Variants in ACOXL observed in about 807,000 individuals in gnomAD.
The protein encoded by ACOXL is acyl-coenzyme A oxidase-like protein.
ACOXL carries 70 observed loss-of-function variants against 71.9 expected under a neutral mutation model. The ratio of observed to expected loss-of-function variants is 0.97; its 90% CI spans 0.80 to 1.19. ACOXL has a LOEUF of 1.19. ACOXL is among the 50% of genes most tolerant of loss of function. The pLI, the probability that ACOXL is intolerant of heterozygous loss-of-function variation, is 0.00. For synonymous variants in ACOXL, 253 were observed against 281.6 expected (o/e 0.90, Z 1.02); for missense variants, 703 against 736.3 (o/e 0.95, Z 0.52).
intron 12 of ACOXL, among the ~76,000 whole-genome samples, chr2:110,958,898 C>T (rs769327973): frequency 2.6e-5 from 4 of 152,214 alleles, no homozygotes; most frequent in Non-Finnish European, 5.9e-5. Context: ...TGGTATGTCT[C>T]CCTGTAGAGC....
chr2:111,034,448 T>C (rs188805141), intron 15 of ACOXL, among the ~76,000 whole-genome samples: 1 of 152,318 alleles, frequency 6.6e-6, no homozygotes, highest in East Asian at 1.9e-4. Context: ...GATTTGATGA[T>C]GGCACAGTAC....
intron 10 of ACOXL, among the ~76,000 whole-genome samples, chr2:110,864,155 G>A (rs1694280918): frequency 6.6e-6 from 1 of 152,270 alleles, no homozygotes; most frequent in East Asian, 1.9e-4. Context: ...AGACCCAAGT[G>A]CCCTTTCTGA....
chr2:110,868,806 GT>G (rs1694928054), intron 10 of ACOXL, among the ~76,000 whole-genome samples: 1 of 152,180 alleles, frequency 6.6e-6, no homozygotes, highest in African/African-American at 2.4e-5. Flanking sequence ...GCCCAGGCTG[GT>G]CATGAATTCC....
intron 15 of ACOXL, among the ~76,000 whole-genome samples, chr2:111,042,651 T>G (rs1025828424): frequency 6.6e-6 from 1 of 152,098 alleles, no homozygotes; most frequent in African/African-American, 2.4e-5. Context: ...CCTGGAAAAG[T>G]GGGCCAGGGT....
At chr2:111,093,066 A>G (rs2068619573) in intron 17 of ACOXL, 100 bp downstream of exon 17, 1 of 864,796 alleles carries the variant, frequency 1.2e-6, no homozygotes, top group South Asian at 1.7e-5. Context: ...GTTTCCACTC[A>G]TGGATTTTTA....
chr2:110,937,807 G>A (rs1456130319), intron 12 of ACOXL, among the ~76,000 whole-genome samples: 3 of 152,082 alleles, frequency 2.0e-5, no homozygotes, highest in Non-Finnish European at 4.4e-5. Context: ...CATGATTTTG[G>A]GCCAGTTATT....
intron 1 of ACOXL, among the ~76,000 whole-genome samples, chr2:110,738,694 T>A (rs186890346): frequency 6.6e-6 from 1 of 152,240 alleles, no homozygotes; most frequent in African/African-American, 2.4e-5. Flanking sequence ...GTTCTTTTAG[T>A]GCATTGGGCA....
chr2:110,768,511 TGTGAGA>T, intron 2 of ACOXL, 47 bp downstream of exon 2: 20 of 1,402,564 alleles, frequency 1.4e-5, no homozygotes, highest in African/African-American at 4.7e-5. Flanking sequence ...TGTGTGTGTG[TGTGAGA>T]GAGAGAGAGA....
chr2:111,021,345 T>C (rs2064750472), intron 14 of ACOXL, among the ~76,000 whole-genome samples: 1 of 152,232 alleles, frequency 6.6e-6, no homozygotes, highest in African/African-American at 2.4e-5. Context: ...CTGGGAACTG[T>C]GGACATCAGG....
intron 17 of ACOXL, among the ~76,000 whole-genome samples, chr2:111,094,537 A>C (rs1188545711): frequency 1.3e-5 from 2 of 152,178 alleles, no homozygotes; most frequent in Non-Finnish European, 2.9e-5. Context: ...AAAGCGAGAG[A>C]GAAGGAAGGG....
chr2:111,110,433 C>A (rs11681263), intron 17 of ACOXL, among the ~76,000 whole-genome samples: 32,087 of 152,176 alleles, frequency 0.21, 3,550 homozygotes, highest in Non-Finnish European at 0.24. Context: ...CACAAGGATA[C>A]ATGGGACCAT....
chr2:110,786,223 A>G (rs914155464), intron 3 of ACOXL, among the ~76,000 whole-genome samples: 1 of 152,246 alleles, frequency 6.6e-6, no homozygotes, highest in Non-Finnish European at 1.5e-5. Context: ...GAACATGAAG[A>G]CAGAATGATC....
At chr2:110,886,914 TA>T (rs66815319) in intron 10 of ACOXL, 539,672 of 1,539,220 alleles carry the variant, frequency 0.35, 96,371 homozygotes, top group Middle Eastern at 0.4. Context: ...ATCAGCCACT[TA>T]ACTGTTCTGG....
At chr2:110,996,145 A>T in intron 14 of ACOXL, 141 bp downstream of exon 14, 1 of 650,422 alleles carries the variant, frequency 1.5e-6, no homozygotes, top group Non-Finnish European at 2.7e-6. Context: ...CCTACGGGCC[A>T]TTTTGCATGA....
intron 10 of ACOXL, among the ~76,000 whole-genome samples, chr2:110,880,197 A>G (rs1696472990): frequency 1.3e-5 from 2 of 151,804 alleles, no homozygotes; most frequent in Non-Finnish European, 2.9e-5. Context: ...GGAAAAAAGA[A>G]TGGATGTTGT....
intron 14 of ACOXL, among the ~76,000 whole-genome samples, chr2:111,012,073 G>T (rs2064194940): frequency 6.6e-6 from 1 of 152,110 alleles, no homozygotes. Flanking sequence ...AGTAATTGAT[G>T]AAATAAGTAG....
intron 16 of ACOXL, among the ~76,000 whole-genome samples, chr2:111,073,579 G>A (rs912406921): frequency 1.3e-5 from 2 of 152,066 alleles, no homozygotes; most frequent in Non-Finnish European, 2.9e-5. Flanking sequence ...ACATATTTGT[G>A]TAGAATTATT....
At chr2:110,830,418 C>A (rs1689679082) in intron 9 of ACOXL, among the ~76,000 whole-genome samples, 1 of 152,102 alleles carries the variant, frequency 6.6e-6, no homozygotes, top group Non-Finnish European at 1.5e-5. Context: ...TCTCTTTCCA[C>A]AATAAATCTA....
intron 2 of ACOXL, among the ~76,000 whole-genome samples, chr2:110,776,094 G>C (rs1244152395): frequency 6.6e-6 from 1 of 152,208 alleles, no homozygotes; most frequent in African/African-American, 2.4e-5. Flanking sequence ...AGCCTTAAAA[G>C]GGAAGGGAAT....
Sources: allele counts gnomAD v4.1 joint callset (sites outside exome capture counted in the v4.1 genomes callset), GRCh38; gene constraint gnomAD v4.1.1; transcripts MANE v1.5; gene names NCBI Gene and HGNC (gene_info 2026-07-23, HGNC 2026-07-21).